LYPD1: variants seen among roughly 807,000 people sequenced by gnomAD.
LYPD1 encodes ly6/PLAUR domain-containing protein 1.
A neutral mutation model predicts 14.2 loss-of-function variants in LYPD1; 14 were observed. The ratio of observed to expected loss-of-function variants is 0.99; its 90% CI spans 0.65 to 1.54. The LOEUF (loss-of-function observed/expected upper bound fraction) is 1.54. LYPD1 is among the 40% of genes most tolerant of loss of function. The pLI is 0.00. For synonymous variants in LYPD1, 85 were observed against 70.6 expected, an observed-to-expected ratio of 1.20 and a Z score of -1.02; for missense variants, 165 against 175.7, an observed-to-expected ratio of 0.94 and a Z score of 0.34.
chr2:132,659,917 T>A (rs10200605), intron 2 of LYPD1, among the ~76,000 whole-genome samples: 1 of 152,134 alleles, frequency 6.6e-6, no homozygotes, highest in East Asian at 1.9e-4. Context: ...GAACAGTGCA[T>A]AAACCCCCTT....
At chr2:132,652,920 G>T (rs1682412198) in intron 2 of LYPD1, among the ~76,000 whole-genome samples, 1 of 152,184 alleles carries the variant, frequency 6.6e-6, no homozygotes, top group Admixed American at 6.6e-5. Context: ...GCCAAGGAAT[G>T]AAGGAAAGGA....
intron 2 of LYPD1, among the ~76,000 whole-genome samples, chr2:132,656,162 T>G (rs1682585305): frequency 6.6e-6 from 1 of 152,254 alleles, no homozygotes; most frequent in African/African-American, 2.4e-5. Flanking sequence ...GCATCTATCT[T>G]TTCCAATAGT....
At position 132,661,357 on chromosome 2, in the gene LYPD1, A is replaced by G. The variant is rs558352962; in HGVS notation, c.190+7043T>C. 3.3e-5 allele frequency among the ~76,000 whole-genome samples: 5 copies of G among 152,342 alleles called. No individual in the cohort carries two copies. The South Asian group carries it at 1.0e-3, about 32-fold the overall frequency. On this transcript the variant is annotated intron_variant, in intron 2 of 2. Coordinates refer to ENST00000397463, the MANE Select transcript of LYPD1 (RefSeq NM_144586.7). ...ATTCCTTTGCCGAAAACTCACTGGA[A>G]TGGCTTGCTCTTGGCACATGTTGTT...
In LYPD1 at chr2:132,664,067, G is replaced by A. The variant is rs563756636; in HGVS notation, c.190+4333C>T. Among the ~76,000 whole-genome samples, 4 of 152,132 alleles carry A rather than the reference G, an allele frequency of 2.6e-5. No homozygotes were observed. The East Asian group carries it at 5.8e-4, about 22-fold the overall frequency. ...TGACTGTGTGTGTGTGTGCACATAT[G>A]TGTGCGCACAGGCATTTGAGCTTGA... On this transcript the variant is annotated intron_variant, in intron 2 of 2. Coordinates refer to ENST00000397463, the MANE Select transcript of LYPD1 (RefSeq NM_144586.7).
chr2:132,649,657 A>G lies in LYPD1; in HGVS notation c.191-3377T>C, dbSNP rs1454421443. On this transcript the variant is annotated intron_variant, in intron 2 of 2. Coordinates refer to ENST00000397463, the MANE Select transcript of LYPD1 (RefSeq NM_144586.7). ...TGCAACTGGTGAAGAAAGCCACAGGAGAGAGTCGAAGGCACCAAGGAGTAG... is the reference window on the plus strand; with the variant it reads ...TGCAACTGGTGAAGAAAGCCACAGGGGAGAGTCGAAGGCACCAAGGAGTAG... Among the ~76,000 whole-genome samples, 7 of 152,248 alleles carry G rather than the reference A, an allele frequency of 4.6e-5. No individual in the cohort carries two copies. The South Asian group carries it at 1.2e-3, about 27-fold the overall frequency.
In LYPD1 at chr2:132,645,666, C is replaced by T. The variant is rs929381219; in HGVS notation, c.*379G>A. ...CCTCCAGCCCTAAGAAAACGTCACT[C>T]TCACTCTGCAGTCTCAAACTATGCC... On this transcript the variant is annotated 3_prime_UTR_variant, in exon 3 of 3. Transcript: ENST00000397463. 7 of 1,554,718 alleles carry T rather than the reference C, an allele frequency of 4.5e-6. No individual in the cohort carries two copies. The highest frequency in any genetic ancestry group is 2.2e-5 in the East Asian group (1 of 44,518).
At chr2:132,653,052 G>A (rs1353918197) in intron 2 of LYPD1, among the ~76,000 whole-genome samples, 2 of 152,190 alleles carry the variant, frequency 1.3e-5, no homozygotes, top group African/African-American at 4.8e-5. Context: ...GTTTCCAGAA[G>A]CCATGATCCT....
intron 2 of LYPD1, among the ~76,000 whole-genome samples, chr2:132,657,471 G>A (rs1445471966): frequency 1.3e-5 from 2 of 152,154 alleles, no homozygotes; most frequent in African/African-American, 4.8e-5. Flanking sequence ...ACACAGTGGG[G>A]CCCAAAGATT....
In LYPD1 at chr2:132,645,319, C is replaced by G; in HGVS notation, c.*726G>C. 1 of 1,614,212 alleles carries G rather than the reference C, an allele frequency of 6.2e-7. No homozygotes were observed. Among genetic ancestry groups the G allele is most frequent in the Non-Finnish European group, 8.5e-7 (1 of 1,180,034 alleles). On this transcript the variant is annotated 3_prime_UTR_variant, in exon 3 of 3. Coordinates refer to ENST00000397463, the MANE Select transcript of LYPD1 (RefSeq NM_144586.7). The stretch of plus-strand genomic sequence containing the variant: ...GTTTCGGCGGGTGTTCGTGCAGGTG[C>G]TGTGCTGCCGCCTGTCGCTGCAGCA...
rs1407744018 is a variant in LYPD1 at position 132,644,492 on chromosome 2, A to G, written c.*1553T>C. Among the ~76,000 whole-genome samples, 1 of 152,254 alleles carries G rather than the reference A, an allele frequency of 6.6e-6. No homozygotes were observed. On this transcript the variant is annotated 3_prime_UTR_variant, in exon 3 of 3. Transcript: ENST00000397463. ...TGTTGCAGATATGAGCATCATGATT[A>G]TAGGTGTGCATACCTAGTATGTATA...
chr2:132,661,261 G>T (rs769667772), intron 2 of LYPD1, among the ~76,000 whole-genome samples: 2 of 152,280 alleles, frequency 1.3e-5, no homozygotes, highest in East Asian at 3.9e-4. Flanking sequence ...GAAAACAGAT[G>T]AATTATATAA....
chr2:132,650,208 T>C (rs1682302930), intron 2 of LYPD1, among the ~76,000 whole-genome samples: 1 of 152,060 alleles, frequency 6.6e-6, no homozygotes, highest in African/African-American at 2.4e-5. Flanking sequence ...TTGAAACACA[T>C]GAAAAGATAC....
chr2:132,645,325 T>C lies in LYPD1; in HGVS notation c.*720A>G. Reference sequence around the variant, plus strand: ...GCGGGTGTTCGTGCAGGTGCTGTGCTGCCGCCTGTCGCTGCAGCACGCCAA... The same window carrying C: ...GCGGGTGTTCGTGCAGGTGCTGTGCCGCCGCCTGTCGCTGCAGCACGCCAA... On this transcript the variant is annotated 3_prime_UTR_variant, in exon 3 of 3. Transcript: ENST00000397463. The C allele has an allele frequency of 3.7e-6, 6 of 1,614,212 alleles. No individual in the cohort carries two copies. The highest frequency in any genetic ancestry group is 1.6e-4 in the Middle Eastern group (1 of 6,062).
Position 132,645,104 on chromosome 2 carries a change from T to C in LYPD1, c.*941A>G. The C allele has an allele frequency of 6.2e-7, 1 of 1,611,638 alleles. No individual in the cohort carries two copies. The highest frequency in any genetic ancestry group is 8.5e-7 in the Non-Finnish European group (1 of 1,178,540). On this transcript the variant is annotated 3_prime_UTR_variant, in exon 3 of 3. Transcript: ENST00000397463. ...CCTCCTGCTCGTGTCTGCCCAGGGC[T>C]GATTGTTGTGACATTGGCCGTATGC...
At position 132,670,097 on chromosome 2, in the gene LYPD1, G is replaced by A. The variant is rs528374856; in HGVS notation, c.-165C>T. 14 of 1,466,236 alleles carry A rather than the reference G, an allele frequency of 9.5e-6. No individual in the cohort carries two copies. The Admixed American group carries it at 2.7e-4, about 28-fold the overall frequency. The allele number at this position is 1,466,236 out of a possible 1,614,324, so 90.8% of individuals were successfully genotyped here. The stretch of plus-strand genomic sequence containing the variant: ...TAGAGGAGCCGCAGGTGCCGCTCGC[G>A]GAGCCTGCATCGCCCGCGCTCGGGC... On this transcript the variant is annotated 5_prime_UTR_variant, in exon 1 of 3. Coordinates refer to ENST00000397463, the MANE Select transcript of LYPD1 (RefSeq NM_144586.7). The surrounding 1 kb of genome is among the most constrained non-coding windows in gnomAD (Gnocchi z 4.5).
Position 132,645,148 on chromosome 2 carries a change from C to T in LYPD1, c.*897G>A, listed in dbSNP as rs780598440. ...CGTATGCTGGATGCCCAACCAGATT[C>T]GGAGGATCATGGCTGCGGCCAAACC... On this transcript the variant is annotated 3_prime_UTR_variant, in exon 3 of 3. Coordinates refer to ENST00000397463, the MANE Select transcript of LYPD1 (RefSeq NM_144586.7). 9.3e-6 allele frequency: 15 copies of T among 1,614,084 alleles called. No homozygotes were observed. Among genetic ancestry groups the T allele is most frequent in the South Asian group, 3.3e-5 (3 of 91,050 alleles).
Position 132,670,156 on chromosome 2 carries a change from G to T in LYPD1, c.-224C>A. The stretch of plus-strand genomic sequence containing the variant: ...GCGGGTCTCTGCTCCTCCCGCTCGC[G>T]CTCCCGGGCCGAGCACCGCGCCTCC... On this transcript the variant is annotated 5_prime_UTR_variant, in exon 1 of 3. Coordinates refer to ENST00000397463, the MANE Select transcript of LYPD1 (RefSeq NM_144586.7). The surrounding 1 kb of genome is among the most constrained non-coding windows in gnomAD (Gnocchi z 4.5). 1 of 1,354,546 alleles carries T rather than the reference G, an allele frequency of 7.4e-7. No homozygotes were observed. The allele number at this position is 1,354,546 out of a possible 1,614,324, so 83.9% of individuals were successfully genotyped here.
At chr2:132,656,892 TCTTGGCCTAG>T (rs1251109353) in intron 2 of LYPD1, among the ~76,000 whole-genome samples, 1 of 152,294 alleles carries the variant, frequency 6.6e-6, no homozygotes, top group African/African-American at 2.4e-5. Flanking sequence ...GTTGAGCCCA[TCTTGGCCTAG>T]CTGGTAGAAC....
rs713534 is a variant in LYPD1, at chr2:132,656,261, G to A, written c.191-9981C>T. Among the ~76,000 whole-genome samples the A allele has an allele frequency of 6.7e-3, 1,027 of 152,280 alleles. 13 individuals carry two copies. The highest frequency in any genetic ancestry group is 0.024 in the African/African-American group (995 of 41,538). ...GTCCATTACTTTTTACCCATGTTAT[G>A]CAATGTAGCTTTAAAGACGAACTTT... is the stretch of plus-strand genomic sequence containing the variant. On this transcript the variant is annotated intron_variant, in intron 2 of 2. Transcript: ENST00000397463.
Sources: gnomAD v4.1 joint callset for allele counts (sites outside exome capture counted in the v4.1 genomes callset) on GRCh38, gnomAD v4.1.1 for gene constraint, Gnocchi (gnomAD v3.1) non-coding constraint, MANE v1.5 for transcripts, NCBI Gene and HGNC (gene_info 2026-07-23, HGNC 2026-07-21) for gene names.